The following C17orf67 variants were observed in gnomAD, a reference collection of about 807,000 sequenced individuals.
The protein encoded by C17orf67 is uncharacterized protein C17orf67.
C17orf67 carries 12 observed loss-of-function variants against 11.2 expected under a neutral mutation model. The ratio of observed to expected loss-of-function variants is 1.07; its 90% CI spans 0.68 to 1.73. C17orf67 has a LOEUF of 1.73. Among genes scored for constraint, C17orf67 ranks in the 40% most tolerant of loss-of-function variants. The probability of loss-of-function intolerance (pLI) is 0.00; values close to 1 mark genes in which losing one functional copy is unlikely to be tolerated. For missense variants in C17orf67, 115 were observed against 113.5 expected, an observed-to-expected ratio of 1.01 and a Z score of -0.06; for synonymous variants, 59 against 46.9, an observed-to-expected ratio of 1.26 and a Z score of -1.05.
At chr17:56,826,615 A>G (rs1906039191) in intron 2 of C17orf67, among the ~76,000 whole-genome samples, 1 of 152,272 alleles carries the variant, frequency 6.6e-6, no homozygotes, top group African/African-American at 2.4e-5. Context: ...GGAGCTTCTT[A>G]GAAACGCAGG....
intron 6 of C17orf67, among the ~76,000 whole-genome samples, chr17:56,803,571 G>A (rs1207021423): frequency 6.6e-6 from 1 of 152,170 alleles, no homozygotes; most frequent in Non-Finnish European, 1.5e-5. Flanking sequence ...CACACAGTAG[G>A]ACCACAACAA....
At chr17:56,801,896 G>A (rs72837348) in intron 6 of C17orf67, among the ~76,000 whole-genome samples, 8 of 152,246 alleles carry the variant, frequency 5.3e-5, no homozygotes, top group African/African-American at 1.9e-4. Flanking sequence ...CCTGCTGCCT[G>A]CTTCTTGCTG....
At chr17:56,824,381 G>A (rs73325018) in intron 4 of C17orf67, among the ~76,000 whole-genome samples, 1 of 152,160 alleles carries the variant, frequency 6.6e-6, no homozygotes, top group Non-Finnish European at 1.5e-5. Flanking sequence ...TGAGCCAGAT[G>A]AACCATTTTT....
chr17:56,818,059 G>T (rs1905803022), intron 4 of C17orf67, among the ~76,000 whole-genome samples: 2 of 151,286 alleles, frequency 1.3e-5, no homozygotes, highest in African/African-American at 2.4e-5. Context: ...GCCCAGGCTG[G>T]TCTCAAACTC....
chr17:56,796,086 G>T (rs1313630505), intron 6 of C17orf67, among the ~76,000 whole-genome samples: 1 of 152,154 alleles, frequency 6.6e-6, no homozygotes, highest in Non-Finnish European at 1.5e-5. Flanking sequence ...ATATAAAAAT[G>T]TTACTAGAAA....
intron 4 of C17orf67, among the ~76,000 whole-genome samples, chr17:56,819,798 G>A (rs547173681): frequency 3.3e-5 from 5 of 152,322 alleles, no homozygotes; most frequent in Non-Finnish European, 5.9e-5. Flanking sequence ...GTAACGAGGT[G>A]AGTCGGCAAG....
chr17:56,831,128 A>C (rs1211250581), intron 2 of C17orf67, among the ~76,000 whole-genome samples: 1 of 150,756 alleles, frequency 6.6e-6, no homozygotes, highest in Non-Finnish European at 1.5e-5. Flanking sequence ...GAACATAGTA[A>C]AGCAGGAAGA....
rs570194766 is a variant in C17orf67, at chr17:56,800,216, C to T, written c.157-5036G>A. Among the ~76,000 whole-genome samples, 26 of 152,184 alleles carry T rather than the reference C, an allele frequency of 1.7e-4. No homozygotes were observed. The South Asian group carries it at 4.6e-3, about 27-fold the overall frequency. ...GAGTAGCTGGAACTACAGGCACCCA[C>T]CATCACACCCGGCTAATTTTTTGAA... is the stretch of plus-strand genomic sequence containing the variant. On this transcript the variant is annotated intron_variant, in intron 6 of 7. Transcript: ENST00000397861.
chr17:56,801,934 AAGCTAAG>A (rs1905332424), intron 6 of C17orf67, among the ~76,000 whole-genome samples: 4 of 152,148 alleles, frequency 2.6e-5, no homozygotes. Flanking sequence ...GGAGGAATAG[AAGCTAAG>A]AGTCTGAGTC....
At chr17:56,806,459 C>A (rs1247420232) in intron 6 of C17orf67, among the ~76,000 whole-genome samples, 2 of 152,134 alleles carry the variant, frequency 1.3e-5, no homozygotes, top group Non-Finnish European at 2.9e-5. Flanking sequence ...CAACTGATTA[C>A]CTCTCTAGAT....
chr17:56,818,107 A>C (rs1905804488), intron 4 of C17orf67, among the ~76,000 whole-genome samples: 2 of 152,076 alleles, frequency 1.3e-5, no homozygotes, highest in Non-Finnish European at 2.9e-5. Context: ...GCCTCCAAAA[A>C]TGCTTGAATT....
intron 2 of C17orf67, among the ~76,000 whole-genome samples, chr17:56,825,970 T>TGTGCGCGC (rs1292427633): frequency 4.6e-5 from 6 of 131,448 alleles, no homozygotes; most frequent in African/African-American, 1.4e-4. Flanking sequence ...TGCACGCGTG[T>TGTGCGCGC]GTGTGACGGA....
chr17:56,820,419 G>A (rs1258064273), intron 4 of C17orf67, among the ~76,000 whole-genome samples: 1 of 152,092 alleles, frequency 6.6e-6, no homozygotes, highest in Admixed American at 6.6e-5. Flanking sequence ...CCATTCCATC[G>A]CAGGGCACAC....
chr17:56,798,020 G>A (rs185351348), intron 6 of C17orf67, among the ~76,000 whole-genome samples: 1 of 152,078 alleles, frequency 6.6e-6, no homozygotes, highest in Non-Finnish European at 1.5e-5. Context: ...TGCAATCTCT[G>A]GCCTACAGGT....
intron 4 of C17orf67, 48 bp from the exon 5 acceptor site, chr17:56,816,058 T>TATGACTTTCAGAG: frequency 3.5e-6 from 2 of 577,342 alleles, no homozygotes; most frequent in Non-Finnish European, 5.5e-6. Flanking sequence ...AGAGCTTGAA[T>TATGACTTTCAGAG]CTGAAAAAGC....
At chr17:56,795,589 G>T (rs934095607) in intron 6 of C17orf67, among the ~76,000 whole-genome samples, 1 of 152,192 alleles carries the variant, frequency 6.6e-6, no homozygotes, top group African/African-American at 2.4e-5. Context: ...GACTCAGTGG[G>T]TCTTGGGTGG....
chr17:56,792,244 A>C lies in C17orf67; in HGVS notation c.*129T>G, dbSNP rs888443411. The C allele has an allele frequency of 8.5e-5, 13 of 152,274 alleles. No homozygotes were observed. The highest frequency in any genetic ancestry group is 2.9e-4 in the African/African-American group (12 of 41,472). 9.4% of individuals were successfully genotyped at this position (152,274 alleles called of 1,614,324 possible). A position where few individuals can be genotyped will look rare whatever the true frequency, so the allele number is the denominator to read the frequency against. On this transcript the variant is annotated 3_prime_UTR_variant, in exon 8 of 8. Transcript: ENST00000397861. ...TTCCAAGGCAATCTTTGATATGCCC[A>C]CAGTTCACGAGGTCTGAAGACATCC... is the stretch of plus-strand genomic sequence containing the variant.
chr17:56,831,730 A>G (rs767966352), intron 2 of C17orf67, among the ~76,000 whole-genome samples: 1 of 152,114 alleles, frequency 6.6e-6, no homozygotes, highest in Non-Finnish European at 1.5e-5. Context: ...GAATCCGTAT[A>G]AGACAGCCTC....
At chr17:56,809,267 T>A (rs1038782232) in intron 6 of C17orf67, among the ~76,000 whole-genome samples, 2 of 151,790 alleles carry the variant, frequency 1.3e-5, no homozygotes, top group African/African-American at 4.8e-5. Context: ...TCTAATCACA[T>A]CATTCCCCTG....
Sources: gnomAD v4.1 joint callset for allele counts (sites outside exome capture counted in the v4.1 genomes callset) on GRCh38, gnomAD v4.1.1 for gene constraint, MANE v1.5 for transcripts, NCBI Gene and HGNC (gene_info 2026-07-23, HGNC 2026-07-21) for gene names.